Variants in LYRM2 observed in about 807,000 individuals in gnomAD.
LYRM2 encodes the protein LYR motif-containing protein 2.
Under a neutral mutation model 11.6 loss-of-function variants are expected in LYRM2, and 8 were observed. The observed-to-expected ratio is 0.69, with a 90% CI of 0.40 to 1.24. LYRM2 has a LOEUF of 1.24. Among genes scored for constraint, LYRM2 ranks in the 50% most tolerant of loss-of-function variants. The probability of loss-of-function intolerance (pLI) is 0.01; values close to 1 mark genes in which losing one functional copy is unlikely to be tolerated. For synonymous variants in LYRM2, 30 were observed against 36.4 expected (o/e 0.83, Z 0.63); for missense variants, 117 against 102.9 (o/e 1.14, Z -0.59).
rs1055624461 is a variant in LYRM2, at chr6:89,633,961, A to T, written c.*3312T>A. 5.3e-5 allele frequency: 8 copies of T among 152,362 alleles called. No homozygotes were observed. The highest frequency in any genetic ancestry group is 1.7e-4 in the African/African-American group (7 of 41,584). 9.4% of individuals were successfully genotyped at this position (152,362 alleles called of 1,614,324 possible). On this transcript the variant is annotated 3_prime_UTR_variant, in exon 3 of 3. Coordinates refer to ENST00000523377, the MANE Select transcript of LYRM2 (RefSeq NM_020466.5). The stretch of plus-strand genomic sequence containing the variant: ...AATTTAGAGTAAATACATTGGCTGT[A>T]AAGTCGCGATCAGGTGCTCTCCACC...
chr6:89,638,539 G>A, intron 1 of LYRM2, 133 bp downstream of exon 1: 3 of 1,573,454 alleles, frequency 1.9e-6, no homozygotes, highest in Non-Finnish European at 2.6e-6. Context: ...CGCCCCGCAG[G>A]CATCGGGCCA....
intron 1 of LYRM2, 125 bp downstream of exon 1, chr6:89,638,547 C>A: frequency 1.3e-6 from 2 of 1,585,030 alleles, no homozygotes; most frequent in Non-Finnish European, 1.7e-6. Flanking sequence ...AGGCATCGGG[C>A]CAATCTCAGA....
intron 2 of LYRM2, 50 bp from the exon 3 acceptor site, chr6:89,637,403 T>TA: frequency 8.5e-7 from 1 of 1,178,894 alleles, no homozygotes. Flanking sequence ...TTAAACAAGG[T>TA]ATAGCTATAC....
At chr6:89,638,415 G>T in intron 1 of LYRM2, 1 of 1,418,080 alleles carries the variant, frequency 7.1e-7, no homozygotes, top group Non-Finnish European at 9.2e-7. Flanking sequence ...GTGGGCACTG[G>T]GCAGCTGAGG....
At chr6:89,637,663 G>T in intron 2 of LYRM2, 79 bp downstream of exon 2, 1 of 1,424,428 alleles carries the variant, frequency 7.0e-7, no homozygotes, top group Non-Finnish European at 9.6e-7. Flanking sequence ...ATTCCAAGAT[G>T]TCTGCTAAAC....
At chr6:89,637,385 T>C (rs1196812111) in intron 2 of LYRM2, 32 bp from the exon 3 acceptor site, 4 of 1,405,748 alleles carry the variant, frequency 2.8e-6, no homozygotes, top group South Asian at 1.2e-5. Flanking sequence ...GGTTATAGTT[T>C]TACCTGGTTA....
rs1357853660 is a variant in LYRM2, at chr6:89,633,725, T to C, written c.*3548A>G. 2.0e-5 allele frequency: 3 copies of C among 152,254 alleles called. No individual in the cohort carries two copies. Among genetic ancestry groups the C allele is most frequent in the African/African-American group, 7.2e-5 (3 of 41,470 alleles). The allele number at this position is 152,254 out of a possible 1,614,324, so 9.4% of individuals were successfully genotyped here. Reference sequence around the variant, plus strand: ...GTCAAGTGTTGATATACTTGAGGCATGTTATGTGTCTTCTAATTAATATTT... The same window carrying C: ...GTCAAGTGTTGATATACTTGAGGCACGTTATGTGTCTTCTAATTAATATTT... On this transcript the variant is annotated 3_prime_UTR_variant, in exon 3 of 3. Transcript: ENST00000523377.
Position 89,637,783 on chromosome 6 carries a change from C to A in LYRM2, c.145G>T (p.Ala49Ser). Residue 49 changes from alanine to serine, a missense_variant, in exon 2 of 3, where the codon GCA (alanine) becomes TCA (serine). Ala to Ser is a moderately conservative substitution (Grantham distance 99). Transcript: ENST00000523377. ...TTGTTTCTTCTGAATTCTTCTCTTG[C>A]CCAATCTTTCAGGTATTTGCGATCA... ...DSDRKYLKDW[A>S]REEFRRNKSA... 6.2e-7 allele frequency: 1 copy of A among 1,614,048 alleles called. No individual in the cohort carries two copies. The highest frequency in any genetic ancestry group is 8.5e-7 in the Non-Finnish European group (1 of 1,179,944).
intron 1 of LYRM2, chr6:89,638,426 C>T: frequency 7.0e-7 from 1 of 1,427,782 alleles, no homozygotes; most frequent in Non-Finnish European, 9.1e-7. Context: ...GCAGCTGAGG[C>T]ACCGGGACTC....
intron 1 of LYRM2, among the ~76,000 whole-genome samples, chr6:89,638,108 C>CT (rs773244062): frequency 1.4e-4 from 21 of 152,072 alleles, no homozygotes; most frequent in Non-Finnish European, 2.4e-4. Flanking sequence ...CCCAGGAGGT[C>CT]TAAGCTGAGG....
chr6:89,638,060 C>T (rs1201750898), intron 1 of LYRM2, among the ~76,000 whole-genome samples, 178 bp from the exon 2 acceptor site: 1 of 151,982 alleles, frequency 6.6e-6, no homozygotes, highest in Non-Finnish European at 1.5e-5. Context: ...CCTGTAATCC[C>T]AGCACTTTGG....
In LYRM2 at chr6:89,637,224, G is replaced by A. The variant is rs750825166; in HGVS notation, c.*49C>T. ...GTGTTGTCCATTGTTAATCCTAAAT[G>A]CAACAAAACACATGGAGACTTTGAA... On this transcript the variant is annotated 3_prime_UTR_variant, in exon 3 of 3. Coordinates refer to ENST00000523377, the MANE Select transcript of LYRM2 (RefSeq NM_020466.5). 3 of 884,690 alleles carry A rather than the reference G, an allele frequency of 3.4e-6. No individual in the cohort carries two copies. The highest frequency in any genetic ancestry group is 5.0e-5 in the East Asian group (2 of 39,656). 54.8% of individuals were successfully genotyped at this position (884,690 alleles called of 1,614,324 possible).
chr6:89,637,408 CT>C, intron 2 of LYRM2, 55 bp from the exon 3 acceptor site: 2 of 1,140,154 alleles, frequency 1.8e-6, no homozygotes, highest in Non-Finnish European at 2.6e-6. Context: ...CAAGGTATAG[CT>C]ATACCATTTT....
chr6:89,638,137 C>A, intron 1 of LYRM2: 1 of 611,774 alleles, frequency 1.6e-6, no homozygotes. Flanking sequence ...CATTGCGCTA[C>A]TGCACTCAGC....
At chr6:89,637,927 C>T in intron 1 of LYRM2, 45 bp from the exon 2 acceptor site, 1 of 1,554,932 alleles carries the variant, frequency 6.4e-7, no homozygotes, top group Non-Finnish European at 8.8e-7. Flanking sequence ...GCACAATCGC[C>T]AGCCTGGAAA....
At chr6:89,638,218 T>G in intron 1 of LYRM2, 1 of 975,100 alleles carries the variant, frequency 1.0e-6, no homozygotes, top group Non-Finnish European at 1.3e-6. Context: ...TCTGATCTTT[T>G]TGCTTACTGC....
At chr6:89,637,999 G>T in intron 1 of LYRM2, 117 bp from the exon 2 acceptor site, 1 of 1,167,452 alleles carries the variant, frequency 8.6e-7, no homozygotes, top group Non-Finnish European at 1.2e-6. Flanking sequence ...TTTGAAAAAG[G>T]CAAAGAAAAA....
At position 89,637,902 on chromosome 6, in the gene LYRM2, A is replaced by G; in HGVS notation, c.46-20T>C. 1.2e-6 allele frequency: 2 copies of G among 1,608,534 alleles called. No individual in the cohort carries two copies. Among genetic ancestry groups the G allele is most frequent in the Non-Finnish European group, 1.7e-6 (2 of 1,175,782 alleles). ...TACGAACTGTAAAAGGGAGGAGTAAATAGCAATTACTACTGCACAATCGCC... is the reference window on the plus strand; with the variant it reads ...TACGAACTGTAAAAGGGAGGAGTAAGTAGCAATTACTACTGCACAATCGCC... On this transcript the variant is annotated intron_variant, in intron 1 of 2. Coordinates refer to ENST00000523377, the MANE Select transcript of LYRM2 (RefSeq NM_020466.5).
intron 1 of LYRM2, chr6:89,638,298 TAGA>T (rs1563222135): frequency 8.6e-7 from 1 of 1,167,776 alleles, no homozygotes; most frequent in South Asian, 2.6e-5. Context: ...GCCGGTCTCC[TAGA>T]AGTTGTTATT....
Sources: gnomAD v4.1 joint callset for allele counts (sites outside exome capture counted in the v4.1 genomes callset) on GRCh38, gnomAD v4.1.1 for gene constraint, MANE v1.5 for transcripts, NCBI Gene and HGNC (gene_info 2026-07-23, HGNC 2026-07-21) for gene names.